Variants in DOCK9 observed in about 807,000 individuals in gnomAD.
DOCK9 encodes the protein dedicator of cytokinesis protein 9.
Under a neutral mutation model 263.3 loss-of-function variants are expected in DOCK9, and 89 were observed. The ratio of observed to expected loss-of-function variants is 0.34; its 90% CI spans 0.28 to 0.40. DOCK9 has a LOEUF of 0.40. Ranked by LOEUF, DOCK9 falls within the 10% of genes least tolerant of loss-of-function variation. DOCK9 has a pLI of 1.00. For synonymous variants in DOCK9, 976 were observed against 973.1 expected, an observed-to-expected ratio of 1.00 and a Z score of -0.06; for missense variants, 2,140 against 2,603.4, an observed-to-expected ratio of 0.82 and a Z score of 3.87.
chr13:98,925,408 T>C (rs2052770749), intron 4 of DOCK9, among the ~76,000 whole-genome samples: 1 of 152,178 alleles, frequency 6.6e-6, no homozygotes, highest in Non-Finnish European at 1.5e-5. Context: ...GGGAAAATGC[T>C]TGTTTCTTGA....
intron 1 of DOCK9, among the ~76,000 whole-genome samples, chr13:98,971,729 G>C (rs183874551): frequency 2.0e-5 from 3 of 152,072 alleles, no homozygotes; most frequent in Non-Finnish European, 2.9e-5. Context: ...AAAATAGGGA[G>C]GAAAACGGGA....
chr13:98,992,413 T>A (rs554772401), intron 1 of DOCK9, among the ~76,000 whole-genome samples: 1 of 152,222 alleles, frequency 6.6e-6, no homozygotes, highest in Admixed American at 6.5e-5. Flanking sequence ...CCTCCCAGCT[T>A]CCCTTCAGTT....
At chr13:98,845,353 C>T (rs778887451) in intron 38 of DOCK9, 2 of 1,359,722 alleles carry the variant, frequency 1.5e-6, no homozygotes, top group South Asian at 2.3e-5. Flanking sequence ...ATTCCAAGCA[C>T]ACTTGATATC....
At chr13:98,928,207 A>C (rs2053352668) in intron 3 of DOCK9, among the ~76,000 whole-genome samples, 1 of 152,244 alleles carries the variant, frequency 6.6e-6, no homozygotes, top group South Asian at 2.1e-4. Context: ...TCAGAAAGCC[A>C]GATCCTGAGA....
chr13:98,917,605 G>T lies in DOCK9; in HGVS notation c.718-2102C>A, dbSNP rs141859258. On this transcript the variant is annotated intron_variant, in intron 7 of 52. Transcript: ENST00000682017. ...TAAGTGGTGCTACAGTCTTGAACGT[G>T]GGCCCAAATATACTTTCATGTATTT... 7.9e-5 allele frequency among the ~76,000 whole-genome samples: 12 copies of T among 151,874 alleles called. No homozygotes were observed. In the East Asian group the frequency reaches 2.3e-3, roughly 29 times the overall value.
chr13:99,075,963 G>T (rs1255311808), intron 1 of DOCK9, among the ~76,000 whole-genome samples: 1 of 152,240 alleles, frequency 6.6e-6, no homozygotes, highest in Admixed American at 6.5e-5. Flanking sequence ...GTCTTCCAGT[G>T]TCATCACACC....
intron 3 of DOCK9, among the ~76,000 whole-genome samples, chr13:98,927,992 G>A (rs1445766419): frequency 1.6e-5 from 2 of 127,432 alleles, no homozygotes; most frequent in Non-Finnish European, 3.2e-5. Context: ...TAATTATAAG[G>A]AATCGCACAT....
At chr13:98,964,227 C>A (rs1338745071) in intron 1 of DOCK9, among the ~76,000 whole-genome samples, 1 of 152,190 alleles carries the variant, frequency 6.6e-6, no homozygotes, top group Non-Finnish European at 1.5e-5. Context: ...TAGAAGGAAC[C>A]CAACCTTTGC....
At chr13:99,078,826 A>G (rs949207420) in intron 1 of DOCK9, among the ~76,000 whole-genome samples, 1 of 152,228 alleles carries the variant, frequency 6.6e-6, no homozygotes, top group Non-Finnish European at 1.5e-5. Flanking sequence ...TCCTGTCAAT[A>G]TTGACCAAAG....
chr13:99,011,558 A>C (rs1884479357), intron 1 of DOCK9, among the ~76,000 whole-genome samples: 1 of 152,234 alleles, frequency 6.6e-6, no homozygotes, highest in Non-Finnish European at 1.5e-5. Context: ...CTCCTCATAA[A>C]AGGAACACCA....
intron 1 of DOCK9, among the ~76,000 whole-genome samples, chr13:98,984,953 T>A (rs943396916): frequency 1.3e-5 from 2 of 152,126 alleles, no homozygotes; most frequent in African/African-American, 4.8e-5. Flanking sequence ...AAAGTGGGTA[T>A]CTTTCTAAAC....
Position 98,965,847 on chromosome 13 carries a change from A to G in DOCK9, c.127-10296T>C, listed in dbSNP as rs1410828824. The stretch of plus-strand genomic sequence containing the variant: ...GCTCCAGTGTGGTGTTATCCTAAGA[A>G]CAGACTAACACCAACAATTAGACAT... On this transcript the variant is annotated intron_variant, in intron 1 of 52. Coordinates refer to ENST00000682017, the MANE Select transcript of DOCK9 (RefSeq NM_001366683.2). 2.0e-5 allele frequency among the ~76,000 whole-genome samples: 3 copies of G among 152,208 alleles called. No individual in the cohort carries two copies. In the East Asian group the frequency reaches 5.8e-4, roughly 29 times the overall value.
At chr13:98,856,055 T>C (rs1436740934) in intron 33 of DOCK9, 24 bp from the exon 34 acceptor site, 1 of 1,612,482 alleles carries the variant, frequency 6.2e-7, no homozygotes, top group South Asian at 1.1e-5. Context: ...AAGCCAACAA[T>C]AAAGTTTTAT....
intron 34 of DOCK9, among the ~76,000 whole-genome samples, chr13:98,855,216 G>A (rs1248766032): frequency 6.6e-6 from 1 of 152,212 alleles, no homozygotes; most frequent in African/African-American, 2.4e-5. Context: ...TCTGGAGCTG[G>A]CTTCAGACCT....
chr13:98,888,185 T>C lies in DOCK9; in HGVS notation c.2016A>G (p.Ser672=). 3 of 1,608,928 alleles carry C rather than the reference T, an allele frequency of 1.9e-6. No homozygotes were observed. Among genetic ancestry groups the C allele is most frequent in the Non-Finnish European group, 2.5e-6 (3 of 1,177,456 alleles). The change falls in exon 18 of 53, where the codon TCA becomes TCG. Residue 672 remains serine, a synonymous_variant. Transcript: ENST00000682017. ...NIAICIEFKD[S]DEEDSQPLKC... is the part of the protein sequence containing the mutation. Reference sequence around the variant, plus strand: ...TAAGGGGCTGAGAGTCTTCCTCATCTGAATCTTTGAATTCAATGCAAATCG... The same window carrying C: ...TAAGGGGCTGAGAGTCTTCCTCATCCGAATCTTTGAATTCAATGCAAATCG...
chr13:99,051,704 C>T (rs910206674), intron 1 of DOCK9, among the ~76,000 whole-genome samples: 1 of 152,036 alleles, frequency 6.6e-6, no homozygotes, highest in Non-Finnish European at 1.5e-5. Context: ...CACCACTACA[C>T]TCATCCTTTT....
At chr13:98,799,526 C>T (rs1005883715) in intron 50 of DOCK9, among the ~76,000 whole-genome samples, 9 of 152,030 alleles carry the variant, frequency 5.9e-5, no homozygotes, top group African/African-American at 1.7e-4. Flanking sequence ...AATATACAAA[C>T]GGGAAAGCGC....
chr13:99,079,793 ACT>A (rs1301061629), intron 1 of DOCK9, among the ~76,000 whole-genome samples: 3 of 152,016 alleles, frequency 2.0e-5, no homozygotes, highest in Admixed American at 2.0e-4. Context: ...TAATCCCTGC[ACT>A]TTGGGATGCC....
At chr13:99,009,257 T>C (rs1156235655) in intron 1 of DOCK9, among the ~76,000 whole-genome samples, 1 of 152,232 alleles carries the variant, frequency 6.6e-6, no homozygotes, top group Non-Finnish European at 1.5e-5. Flanking sequence ...ATCTTAGTTA[T>C]GACACAGGAA....
Sources: allele counts gnomAD v4.1 joint callset (sites outside exome capture counted in the v4.1 genomes callset), GRCh38; gene constraint gnomAD v4.1.1; transcripts MANE v1.5; gene names NCBI Gene and HGNC (gene_info 2026-07-23, HGNC 2026-07-21).